The following ANK3 variants were observed in gnomAD, a reference collection of about 807,000 sequenced individuals.
ANK3 encodes the protein ankyrin-3.
ANK3 carries 57 observed loss-of-function variants against 370.9 expected under a neutral mutation model. That is an observed-to-expected ratio of 0.15 (90% CI 0.12 to 0.19). The LOEUF is 0.19. Among genes scored for constraint, ANK3 ranks in the 10% least tolerant of loss-of-function variants. The pLI is 1.00. For synonymous variants in ANK3, 1,929 were observed against 1,946.3 expected (o/e 0.99, Z 0.23); for missense variants, 4,439 against 5,302.1 (o/e 0.84, Z 5.06).
At chr10:60,628,999 C>A (rs1486613230) in intron 1 of ANK3, among the ~76,000 whole-genome samples, 6 of 152,088 alleles carry the variant, frequency 3.9e-5, no homozygotes, top group Admixed American at 3.9e-4. Flanking sequence ...AAAATAGTTT[C>A]TCTGCTTTTT....
At chr10:60,190,801 A>G (rs187230905) in intron 16 of ANK3, among the ~76,000 whole-genome samples, 147 of 152,360 alleles carry the variant, frequency 9.6e-4, no homozygotes, top group African/African-American at 3.4e-3. Context: ...AAAAGAACAA[A>G]GTTGGAGGCA....
chr10:60,200,065 A>C (rs2096649366), intron 13 of ANK3, 64 bp downstream of exon 13: 3 of 1,337,074 alleles, frequency 2.2e-6, no homozygotes, highest in Admixed American at 1.8e-5. Flanking sequence ...TATATACTTA[A>C]AAGTTTTATG....
In ANK3 at chr10:60,029,612, C is replaced by A. The variant is rs2072808074; in HGVS notation, c.*234G>T. ...CACTGCATTGCTAATTGCACACGCG[C>A]CAATCCGGAAATGAAAGTGATTTCC... On this transcript the variant is annotated 3_prime_UTR_variant, in exon 44 of 44. Coordinates refer to ENST00000280772, the MANE Select transcript of ANK3 (RefSeq NM_020987.5). 6.6e-6 allele frequency: 1 copy of A among 152,494 alleles called. No homozygotes were observed. Among genetic ancestry groups the A allele is most frequent in the Non-Finnish European group, 1.5e-5 (1 of 68,022 alleles). The allele number at this position is 152,494 out of a possible 1,614,324, so 9.4% of individuals were successfully genotyped here. A position where few individuals can be genotyped will look rare whatever the true frequency, so the allele number is the denominator to read the frequency against.
upstream of ANK3, among the ~76,000 whole-genome samples, chr10:60,391,984 A>G (rs553294483): frequency 7.2e-5 from 11 of 152,198 alleles, no homozygotes; most frequent in Non-Finnish European, 1.2e-4. Flanking sequence ...TTAACAGAAA[A>G]TGTGATCTTT....
intron 1 of ANK3, among the ~76,000 whole-genome samples, chr10:60,374,886 T>C (rs1406807043): frequency 6.6e-6 from 1 of 152,164 alleles, no homozygotes; most frequent in Non-Finnish European, 1.5e-5. Flanking sequence ...AGTGGACATA[T>C]GTTCATTTTT....
chr10:60,437,934 T>C (rs992604338), intron 2 of ANK3, among the ~76,000 whole-genome samples: 3 of 152,210 alleles, frequency 2.0e-5, no homozygotes, highest in Admixed American at 1.3e-4. Context: ...TCAGAGGTTC[T>C]TATACACTCC....
chr10:60,246,099 T>C (rs1283851788), intron 7 of ANK3, among the ~76,000 whole-genome samples: 1 of 151,534 alleles, frequency 6.6e-6, no homozygotes, highest in African/African-American at 2.4e-5. Context: ...CTACTAAAAA[T>C]AGAAAAATTA....
chr10:60,164,391 T>A (rs935460386), intron 23 of ANK3, among the ~76,000 whole-genome samples: 4 of 151,662 alleles, frequency 2.6e-5, no homozygotes, highest in Admixed American at 1.3e-4. Context: ...TCAGTTCTGG[T>A]CACCTCAACT....
rs2078665119 is a variant in ANK3, at chr10:60,643,508, CTAT to C, written c.58-28287_58-28285del. 8.7e-4 allele frequency among the ~76,000 whole-genome samples: 58 copies of C among 66,588 alleles called. 1 individual carries two copies. The highest frequency in any genetic ancestry group is 1.9e-3 in the South Asian group (5 of 2,678). 43.7% of individuals were successfully genotyped at this position (66,588 alleles called of 152,430 possible). ...TTAATAAACTCCCCTTTATATCTAT[CTAT>C]CTATCTATCTATCTATCTATCTATC... On this transcript the variant is annotated intron_variant, in intron 1 of 43. Transcript: ENST00000373827.
chr10:60,371,122 C>A (rs565360106), intron 1 of ANK3, among the ~76,000 whole-genome samples: 1 of 152,208 alleles, frequency 6.6e-6, no homozygotes, highest in South Asian at 2.1e-4. Context: ...GTGCTCCCTA[C>A]AATATCTGCC....
At position 60,633,813 on chromosome 10, in the gene ANK3, G is replaced by A. The variant is rs148048564; in HGVS notation, c.58-18589C>T. On this transcript the variant is annotated intron_variant, in intron 1 of 43. Coordinates refer to the ANK3 transcript ENST00000373827. ...ACACCACCTGAAGCATCCATATTGG[G>A]TTCTCTCTTTTTCTTTCATTTTCTC... 7.3e-3 allele frequency among the ~76,000 whole-genome samples: 1,106 copies of A among 152,222 alleles called. 8 individuals are homozygous for A. Among genetic ancestry groups the A allele is most frequent in the South Asian group, 0.019 (93 of 4,822 alleles).
In ANK3 at chr10:60,040,890, A is replaced by G. The variant is rs139935877; in HGVS notation, c.*19+1782T>C. ...ACTTTCGTTTCATTTTTCACTTAGA[A>G]TTGCATAAATAGACGAATTCAAGAT... On this transcript the variant is annotated intron_variant, in intron 43 of 43. Coordinates refer to ENST00000280772, the MANE Select transcript of ANK3 (RefSeq NM_020987.5). 4.2e-3 allele frequency among the ~76,000 whole-genome samples: 634 copies of G among 152,304 alleles called. 4 individuals carry two copies. Among genetic ancestry groups the G allele is most frequent in the Middle Eastern group, 0.02 (6 of 294 alleles).
chr10:60,240,153 T>TATACATATATAC (rs1565915568), intron 7 of ANK3, among the ~76,000 whole-genome samples: 1 of 132,228 alleles, frequency 7.6e-6, no homozygotes, highest in South Asian at 2.3e-4. Context: ...CACATATATA[T>TATACATATATAC]ACATATATAC....
chr10:60,518,077 A>T (rs1234549459), intron 2 of ANK3, among the ~76,000 whole-genome samples: 1 of 152,176 alleles, frequency 6.6e-6, no homozygotes, highest in African/African-American at 2.4e-5. Context: ...GAATAAATGT[A>T]GCCAAAATAC....
intron 23 of ANK3, among the ~76,000 whole-genome samples, chr10:60,161,087 A>T (rs1181151147): frequency 6.6e-6 from 1 of 152,208 alleles, no homozygotes; most frequent in Non-Finnish European, 1.5e-5. Context: ...ATTAGAAAAG[A>T]AGTAGTTAAA....
chr10:60,691,619 G>A (rs1169406757), intron 1 of ANK3, among the ~76,000 whole-genome samples: 1 of 152,176 alleles, frequency 6.6e-6, no homozygotes, highest in Non-Finnish European at 1.5e-5. Context: ...AAGGTAAGGT[G>A]AGATGACCTT....
At chr10:60,326,080 G>C (rs1239693044) in intron 1 of ANK3, among the ~76,000 whole-genome samples, 1 of 152,114 alleles carries the variant, frequency 6.6e-6, no homozygotes, top group Non-Finnish European at 1.5e-5. Flanking sequence ...TAAATAAAGA[G>C]AACACATAGG....
Position 60,026,472 on chromosome 10 carries a change from T to C in ANK3, c.*3374A>G, listed in dbSNP as rs1306923394. 2.0e-5 allele frequency: 3 copies of C among 152,234 alleles called. 1 individual carries two copies. Among genetic ancestry groups the C allele is most frequent in the African/African-American group, 7.2e-5 (3 of 41,466 alleles). 9.4% of individuals were successfully genotyped at this position (152,234 alleles called of 1,614,324 possible). ...TGAAGTTAGTTTTTGGATCACTGGCTTCTTCAGAGAGACTCAGAAGATGCC... is the reference window on the plus strand; with the variant it reads ...TGAAGTTAGTTTTTGGATCACTGGCCTCTTCAGAGAGACTCAGAAGATGCC... On this transcript the variant is annotated 3_prime_UTR_variant, in exon 44 of 44. Transcript: ENST00000280772.
chr10:60,037,365 A>T (rs1250395231), intron 43 of ANK3, among the ~76,000 whole-genome samples: 1 of 152,172 alleles, frequency 6.6e-6, no homozygotes, highest in East Asian at 1.9e-4. Context: ...GTTCAAGGGT[A>T]CATGTGCAGG....
Sources: gnomAD v4.1 joint callset for allele counts (sites outside exome capture counted in the v4.1 genomes callset) on GRCh38, gnomAD v4.1.1 for gene constraint, MANE v1.5 for transcripts, NCBI Gene and HGNC (gene_info 2026-07-23, HGNC 2026-07-21) for gene names.